The following TNKS variants were observed in gnomAD, a reference collection of about 807,000 sequenced individuals.
TNKS encodes poly [ADP-ribose] polymerase tankyrase-1.
In TNKS, 72 loss-of-function variants were observed where a neutral mutation model predicts 135.8. The observed-to-expected ratio is 0.53, with a 90% CI of 0.44 to 0.64. TNKS has a LOEUF of 0.64. Among genes scored for constraint, TNKS ranks in the 30% least tolerant of loss-of-function variants. The pLI, the probability that TNKS is intolerant of heterozygous loss-of-function variation, is 0.00. For synonymous variants in TNKS, 849 were observed against 649.3 expected (o/e 1.31, Z -4.68); for missense variants, 1,769 against 1,674.0 (o/e 1.06, Z -0.99).
At chr8:9,734,776 A>G (rs1381218001) in intron 15 of TNKS, 89 bp from the exon 16 acceptor site, 9 of 1,137,380 alleles carry the variant, frequency 7.9e-6, no homozygotes, top group Non-Finnish European at 1.1e-5. Flanking sequence ...CCCCAGAGGA[A>G]CAAAGGTAGA....
Position 9,772,808 on chromosome 8 carries a change from T to TG in TNKS, c.3897+2546_3897+2547insG, listed in dbSNP as rs200345784. ...TTTGGGGAGAATGTGTGTGTGTGTG[T>TG]TTGTGTGTGTGTGTGTGTGTGTCTG... is the stretch of plus-strand genomic sequence containing the variant. On this transcript the variant is annotated intron_variant, in intron 26 of 26. Coordinates refer to ENST00000310430, the MANE Select transcript of TNKS (RefSeq NM_003747.3). Among the ~76,000 whole-genome samples the TG allele has an allele frequency of 8.3e-4, 85 of 102,468 alleles. 2 individuals are homozygous for TG. The highest frequency in any genetic ancestry group is 2.2e-3 in the Admixed American group (18 of 8,158). The allele number at this position is 102,468 out of a possible 152,430, so 67.2% of individuals were successfully genotyped here.
chr8:9,775,375 A>G (rs960143864), intron 26 of TNKS, among the ~76,000 whole-genome samples: 9 of 149,384 alleles, frequency 6.0e-5, no homozygotes, highest in Non-Finnish European at 1.2e-4. Flanking sequence ...TCTTCCCACT[A>G]AATGTACTAA....
chr8:9,581,463 T>G (rs1316662068), intron 2 of TNKS, among the ~76,000 whole-genome samples: 2 of 152,182 alleles, frequency 1.3e-5, no homozygotes, highest in African/African-American at 4.8e-5. Context: ...CATAGCCACA[T>G]CCTGGACCAA....
At chr8:9,659,335 G>A (rs964619854) in intron 3 of TNKS, among the ~76,000 whole-genome samples, 3 of 152,164 alleles carry the variant, frequency 2.0e-5, no homozygotes, top group Non-Finnish European at 4.4e-5. Context: ...ATAGTTGGAA[G>A]TAAAACACTC....
intron 6 of TNKS, among the ~76,000 whole-genome samples, chr8:9,705,323 C>T (rs987908941): frequency 8.5e-5 from 13 of 152,132 alleles, no homozygotes; most frequent in Admixed American, 2.0e-4. Flanking sequence ...CAGAGATATA[C>T]GATCATTGGG....
At chr8:9,619,298 A>G (rs1014482586) in intron 3 of TNKS, among the ~76,000 whole-genome samples, 1 of 152,208 alleles carries the variant, frequency 6.6e-6, no homozygotes, top group East Asian at 1.9e-4. Flanking sequence ...GAAAAGGGCT[A>G]GAAAGTAGGG....
At chr8:9,719,266 G>C (rs1367770042) in intron 11 of TNKS, among the ~76,000 whole-genome samples, 1 of 152,196 alleles carries the variant, frequency 6.6e-6, no homozygotes, top group Middle Eastern at 3.2e-3. Context: ...ACTGGCGACA[G>C]GGAGACTAGT....
At chr8:9,582,001 C>A (rs930795482) in intron 2 of TNKS, among the ~76,000 whole-genome samples, 1 of 152,126 alleles carries the variant, frequency 6.6e-6, no homozygotes, top group Non-Finnish European at 1.5e-5. Flanking sequence ...TGTTTAAGTT[C>A]TTGTGCCTTA....
chr8:9,584,857 G>T (rs1368178239), intron 2 of TNKS, among the ~76,000 whole-genome samples: 1 of 152,134 alleles, frequency 6.6e-6, no homozygotes, highest in African/African-American at 2.4e-5. Flanking sequence ...CAGCTTGCTG[G>T]CGTCCACAGC....
intron 3 of TNKS, among the ~76,000 whole-genome samples, chr8:9,630,825 A>C (rs141212876): frequency 2.0e-5 from 3 of 152,234 alleles, no homozygotes; most frequent in Non-Finnish European, 4.4e-5. Flanking sequence ...AAACTTTTCT[A>C]TTCAATTGAC....
chr8:9,722,238 G>A (rs1804922594), intron 12 of TNKS, among the ~76,000 whole-genome samples: 1 of 152,064 alleles, frequency 6.6e-6, no homozygotes, highest in Non-Finnish European at 1.5e-5. Context: ...CAGCCAAGTT[G>A]AGAATCACTG....
intron 3 of TNKS, among the ~76,000 whole-genome samples, chr8:9,640,156 A>G (rs1340849653): frequency 2.0e-5 from 3 of 152,198 alleles, no homozygotes; most frequent in Non-Finnish European, 1.5e-5. Flanking sequence ...TTGCTGTAAC[A>G]GTATACCATA....
intron 11 of TNKS, among the ~76,000 whole-genome samples, chr8:9,711,369 T>G (rs1182918751): frequency 6.6e-6 from 1 of 152,170 alleles, no homozygotes; most frequent in Non-Finnish European, 1.5e-5. Flanking sequence ...ACTCACTTGT[T>G]TGTTCCCTTT....
Position 9,752,572 on chromosome 8 carries a change from A to C in TNKS, c.3099A>C (p.Gln1033His). 1 of 1,613,268 alleles carries C rather than the reference A, an allele frequency of 6.2e-7. No homozygotes were observed. The highest frequency in any genetic ancestry group is 8.5e-7 in the Non-Finnish European group (1 of 1,179,640). Residue 1033 changes from glutamine to histidine, a missense_variant, in exon 20 of 27, where the codon CAA becomes CAC. Gln to His is a conservative substitution (Grantham distance 24). Around this residue, in one of 5 missense-constraint regions of TNKS, gnomAD observed 722 missense variants for 688.9 expected, o/e 1.05. Transcript: ENST00000310430. ...CTGGTCTTGACATGAATATCAGCCA[A>C]TTTCTAAAAAGCCTTGGCCTTGAAC... ...EVAGLDMNIS[Q>H]FLKSLGLEHL...
intron 2 of TNKS, among the ~76,000 whole-genome samples, chr8:9,602,296 T>G (rs1002382292): frequency 6.6e-6 from 1 of 152,038 alleles, no homozygotes; most frequent in Admixed American, 6.5e-5. Flanking sequence ...AAGTACCAGC[T>G]CCCCATGGTC....
chr8:9,704,072 T>C (rs1803940247), intron 5 of TNKS, among the ~76,000 whole-genome samples: 1 of 152,230 alleles, frequency 6.6e-6, no homozygotes, highest in African/African-American at 2.4e-5. Context: ...TACCTTGGTA[T>C]ACATCATTGC....
At position 9,777,405 on chromosome 8, in the gene TNKS, A is replaced by G. The variant is rs1808278780; in HGVS notation, c.*669A>G. 6.6e-6 allele frequency: 1 copy of G among 152,356 alleles called. No individual in the cohort carries two copies. Among genetic ancestry groups the G allele is most frequent in the African/African-American group, 2.4e-5 (1 of 41,446 alleles). 9.4% of individuals were successfully genotyped at this position (152,356 alleles called of 1,614,324 possible). ...TTGAGATGAAAAGGAAAAAACATCA[A>G]GTTTTAGTACCTTTTTATGAATTGG... is the stretch of plus-strand genomic sequence containing the variant. On this transcript the variant is annotated 3_prime_UTR_variant, in exon 27 of 27. Transcript: ENST00000310430.
intron 1 of TNKS, among the ~76,000 whole-genome samples, chr8:9,577,341 T>C (rs1396932870): frequency 6.6e-6 from 1 of 152,206 alleles, no homozygotes; most frequent in African/African-American, 2.4e-5. Context: ...AAAAATGTTT[T>C]TATAATGGCT....
chr8:9,752,736 CTTGAGCCCAGGAGT>C, intron 20 of TNKS, 110 bp downstream of exon 20: 1 of 688,318 alleles, frequency 1.5e-6, no homozygotes, highest in South Asian at 2.4e-5. Flanking sequence ...GGCAGGATTG[CTTGAGCCCAGGAGT>C]TTGAGACCAG....
Sources: allele counts gnomAD v4.1 joint callset (sites outside exome capture counted in the v4.1 genomes callset), GRCh38; gene constraint gnomAD v4.1.1; regional missense constraint gnomAD v4.1.1; transcripts MANE v1.5; gene names NCBI Gene and HGNC (gene_info 2026-07-23, HGNC 2026-07-21).